PXDNL: variants seen among roughly 807,000 people sequenced by gnomAD.
PXDNL encodes the protein peroxidasin like, also known as probable oxidoreductase PXDNL.
Under a neutral mutation model 150.8 loss-of-function variants are expected in PXDNL, and 145 were observed. The observed-to-expected ratio is 0.96, with a 90% CI of 0.84 to 1.10. The LOEUF is 1.10. Ranked by LOEUF, PXDNL falls within the 50% of genes least tolerant of loss-of-function variation. PXDNL has a pLI of 0.00. For synonymous variants in PXDNL, 757 were observed against 725.7 expected, an observed-to-expected ratio of 1.04 and a Z score of -0.69; for missense variants, 2,087 against 1,873.9, an observed-to-expected ratio of 1.11 and a Z score of -2.10.
intron 1 of PXDNL, among the ~76,000 whole-genome samples, chr8:51,694,357 C>T (rs527962363): frequency 1.6e-5 from 2 of 121,708 alleles, no homozygotes; most frequent in South Asian, 3.1e-4. Context: ...AGCGAGACTC[C>T]GTCTCAAACA....
chr8:51,575,487 A>G (rs1297876489), intron 3 of PXDNL, among the ~76,000 whole-genome samples: 1 of 152,062 alleles, frequency 6.6e-6, no homozygotes, highest in Non-Finnish European at 1.5e-5. Context: ...GGCCAAAGTG[A>G]GTGGATCACT....
chr8:51,404,172 G>A (rs376183552), intron 17 of PXDNL, among the ~76,000 whole-genome samples: 56 of 152,236 alleles, frequency 3.7e-4, no homozygotes, highest in African/African-American at 1.1e-3. Context: ...TGAACCCAAA[G>A]AGTAAGCAGC....
chr8:51,526,348 T>C (rs58878314), intron 4 of PXDNL, among the ~76,000 whole-genome samples: 6 of 150,276 alleles, frequency 4.0e-5, no homozygotes, highest in African/African-American at 7.3e-5. Flanking sequence ...TTTTTTTTTC[T>C]TTTTTTTTTA....
chr8:51,382,272 C>G (rs1807571713), intron 17 of PXDNL, among the ~76,000 whole-genome samples: 1 of 152,168 alleles, frequency 6.6e-6, no homozygotes, highest in Non-Finnish European at 1.5e-5. Context: ...CCACCAGAAA[C>G]TAGGAAAAGC....
intron 1 of PXDNL, among the ~76,000 whole-genome samples, chr8:51,683,163 T>TTATATATATATATATATATA (rs1815791021): frequency 5.2e-5 from 1 of 19,188 alleles, no homozygotes; most frequent in Admixed American, 8.4e-4. Flanking sequence ...CAATTGTCTT[T>TTATATATATATATATATATA]CATATATATA....
intron 1 of PXDNL, among the ~76,000 whole-genome samples, chr8:51,767,379 G>A (rs1188563021): frequency 6.6e-6 from 1 of 151,968 alleles, no homozygotes; most frequent in Non-Finnish European, 1.5e-5. Flanking sequence ...TTTGCTGCTT[G>A]ATTAGTGATT....
intron 19 of PXDNL, among the ~76,000 whole-genome samples, chr8:51,363,378 G>A (rs977679528): frequency 7.2e-5 from 11 of 152,074 alleles, no homozygotes; most frequent in South Asian, 2.1e-4. Context: ...TTATTCAGCC[G>A]GGAGGTTTCG....
intron 4 of PXDNL, among the ~76,000 whole-genome samples, chr8:51,530,036 G>A (rs76105089): frequency 0.024 from 3,669 of 152,270 alleles, 133 homozygotes; most frequent in African/African-American, 0.084. Context: ...ACTCATCTAG[G>A]CCAAGAGCTT....
At chr8:51,372,456 C>T (rs938235732) in intron 18 of PXDNL, among the ~76,000 whole-genome samples, 6 of 152,222 alleles carry the variant, frequency 3.9e-5, no homozygotes, top group Non-Finnish European at 8.8e-5. Flanking sequence ...ATGATCTCAG[C>T]TCACTGCAAC....
At chr8:51,517,832 T>G (rs1366022339) in intron 4 of PXDNL, among the ~76,000 whole-genome samples, 1 of 152,224 alleles carries the variant, frequency 6.6e-6, no homozygotes, top group Non-Finnish European at 1.5e-5. Flanking sequence ...TATTAATGAC[T>G]ATTTTTTTAG....
At chr8:51,511,008 G>A (rs1397406673) in intron 4 of PXDNL, among the ~76,000 whole-genome samples, 10 of 152,154 alleles carry the variant, frequency 6.6e-5, no homozygotes, top group South Asian at 6.2e-4. Flanking sequence ...GGATGCTATC[G>A]TGGTCTAGGA....
In PXDNL at chr8:51,409,185, G is replaced by C; in HGVS notation, c.2439C>G (p.Asp813Glu). 6.3e-7 allele frequency: 1 copy of C among 1,594,900 alleles called. No homozygotes were observed. The highest frequency in any genetic ancestry group is 8.5e-7 in the Non-Finnish European group (1 of 1,175,168). The change falls in exon 17 of 23, where the codon GAC becomes GAG. Residue 813 changes from aspartate to glutamate, a missense_variant. Asp to Glu is a conservative substitution (Grantham distance 45). Coordinates refer to ENST00000356297, the MANE Select transcript of PXDNL (RefSeq NM_144651.5). ...LMHWGWFLEH[D>E]LDHTVPALST... ...TCAGCGCAGGCACTGTGTGGTCCAA[G>C]TCGTGCTCTAGAAACCAGCCCCAGT... is the stretch of plus-strand genomic sequence containing the variant.
chr8:51,756,182 TCAGGAGTTCGAGAC>T (rs1342814659), intron 1 of PXDNL, among the ~76,000 whole-genome samples: 2 of 152,034 alleles, frequency 1.3e-5, no homozygotes, highest in African/African-American at 4.8e-5. Context: ...TCACTTAAGG[TCAGGAGTTCGAGAC>T]CATCCTGGGC....
chr8:51,558,692 T>A (rs984620729), intron 3 of PXDNL, among the ~76,000 whole-genome samples: 5 of 151,992 alleles, frequency 3.3e-5, no homozygotes, highest in African/African-American at 1.2e-4. Flanking sequence ...TAGAAAATGG[T>A]TCAGGAAAAA....
chr8:51,402,635 GTAT>G (rs1808292376), intron 17 of PXDNL, among the ~76,000 whole-genome samples: 2 of 152,098 alleles, frequency 1.3e-5, no homozygotes, highest in Non-Finnish European at 2.9e-5. Context: ...ATTACACACA[GTAT>G]TATATTTTCA....
At chr8:51,659,352 C>T (rs1034700792) in intron 1 of PXDNL, among the ~76,000 whole-genome samples, 5 of 152,158 alleles carry the variant, frequency 3.3e-5, no homozygotes, top group South Asian at 2.1e-4. Context: ...CCTCTACTCT[C>T]CCCAGCACAA....
At chr8:51,593,352 A>C (rs1172926304) in intron 2 of PXDNL, among the ~76,000 whole-genome samples, 1 of 152,202 alleles carries the variant, frequency 6.6e-6, no homozygotes. Context: ...GAAAATTATA[A>C]ATTTTTTTCT....
At chr8:51,466,373 A>G (rs1056394867) in intron 8 of PXDNL, among the ~76,000 whole-genome samples, 1 of 151,984 alleles carries the variant, frequency 6.6e-6, no homozygotes, top group African/African-American at 2.4e-5. Flanking sequence ...AGACCCCTAT[A>G]TATCACCATA....
At chr8:51,377,879 T>A (rs953783418) in intron 17 of PXDNL, among the ~76,000 whole-genome samples, 1 of 152,158 alleles carries the variant, frequency 6.6e-6, no homozygotes, top group African/African-American at 2.4e-5. Flanking sequence ...CCAGGTCCCA[T>A]CAACTGCCCA....
Sources: gnomAD v4.1 joint callset for allele counts (sites outside exome capture counted in the v4.1 genomes callset) on GRCh38, gnomAD v4.1.1 for gene constraint, MANE v1.5 for transcripts, NCBI Gene and HGNC (gene_info 2026-07-23, HGNC 2026-07-21) for gene names.